ASCC1: variants seen among roughly 807,000 people sequenced by gnomAD.
ASCC1 encodes the protein ASC-1 complex subunit P50.
In ASCC1, 35 loss-of-function variants were observed where a neutral mutation model predicts 46.6. The observed-to-expected ratio is 0.75, with a 90% CI of 0.57 to 0.99. The LOEUF (loss-of-function observed/expected upper bound fraction) is 0.99. Ranked by LOEUF, ASCC1 falls within the 50% of genes least tolerant of loss-of-function variation. ASCC1 has a pLI of 0.00. For missense variants in ASCC1, 376 were observed against 428.7 expected (o/e 0.88, Z 1.09); for synonymous variants, 143 against 146.6 (o/e 0.98, Z 0.18).
Position 72,133,078 on chromosome 10 carries a change from G to A in ASCC1, c.850C>T (p.Leu284=). 1 of 1,614,136 alleles carries A rather than the reference G, an allele frequency of 6.2e-7. No homozygotes were observed. Among genetic ancestry groups the A allele is most frequent in the Non-Finnish European group, 8.5e-7 (1 of 1,179,992 alleles). ...VKLHATVMNT[L]FRKDPNAEGR... is the part of the protein sequence containing the mutation. ...TTACCATTGGGGTCTTTCCTGAATAGTGTATTCATAACTGTAGCATGCAGT... is the reference window on the plus strand; with the variant it reads ...TTACCATTGGGGTCTTTCCTGAATAATGTATTCATAACTGTAGCATGCAGT... The change falls in exon 8 of 10, where the codon CTA becomes TTA. Residue 284 remains leucine, a synonymous_variant. Coordinates refer to ENST00000672957, the MANE Select transcript of ASCC1 (RefSeq NM_001198800.3).
chr10:72,103,095 T>C, intron 9 of ASCC1: 1 of 339,256 alleles, frequency 2.9e-6, no homozygotes, highest in South Asian at 2.2e-5. Flanking sequence ...AATTATCTTA[T>C]TGCGTCCTCA....
chr10:72,197,467 CAAAAAAA>C (rs59460393), intron 4 of ASCC1, among the ~76,000 whole-genome samples: 3 of 51,364 alleles, frequency 5.8e-5, no homozygotes, highest in African/African-American at 2.4e-4. Context: ...GACTCTATCT[CAAAAAAA>C]AAAAAAAAAA....
At chr10:72,204,319 C>T (rs571851613) in intron 3 of ASCC1, 11 of 1,346,336 alleles carry the variant, frequency 8.2e-6, no homozygotes, top group South Asian at 2.7e-5. Flanking sequence ...ATGGCAACAG[C>T]GAGCTACAGC....
At chr10:72,156,141 T>C (rs1355184566) in intron 6 of ASCC1, among the ~76,000 whole-genome samples, 1 of 152,212 alleles carries the variant, frequency 6.6e-6, no homozygotes, top group Non-Finnish European at 1.5e-5. Context: ...GCCATCCCCT[T>C]GGTGATAAAT....
intron 5 of ASCC1, among the ~76,000 whole-genome samples, chr10:72,182,907 C>T (rs1003789573): frequency 2.7e-5 from 4 of 150,782 alleles, no homozygotes; most frequent in African/African-American, 7.4e-5. Context: ...ATATAAAGGA[C>T]AGTATCAGAT....
chr10:72,216,667 G>T (rs139058556), upstream of ASCC1, among the ~76,000 whole-genome samples: 2 of 152,154 alleles, frequency 1.3e-5, no homozygotes, highest in African/African-American at 4.8e-5. Context: ...CTGTTAGAAA[G>T]GAAAGGAATT....
intron 9 of ASCC1, among the ~76,000 whole-genome samples, chr10:72,113,331 A>C (rs998351489): frequency 6.6e-6 from 1 of 152,178 alleles, no homozygotes; most frequent in African/African-American, 2.4e-5. Context: ...TTCCAGTCCC[A>C]CTGCAAAGAG....
rs770470208 is a variant in ASCC1 at position 72,204,511 on chromosome 10, G to T, written c.213-987C>A. The T allele has an allele frequency of 2.6e-6, 4 of 1,532,326 alleles. No individual in the cohort carries two copies. The African/African-American group carries it at 5.5e-5, about 21-fold the overall frequency. 94.9% of individuals were successfully genotyped at this position (1,532,326 alleles called of 1,614,324 possible). Reference sequence around the variant, plus strand: ...ATGTGTTCAAGTGAATGAGACTACCGAATCCCAAGAGAGAAGTTTCAGAGT... The same window carrying T: ...ATGTGTTCAAGTGAATGAGACTACCTAATCCCAAGAGAGAAGTTTCAGAGT... On this transcript the variant is annotated intron_variant, in intron 3 of 9. Transcript: ENST00000672957.
intron 3 of ASCC1, 145 bp downstream of exon 3, chr10:72,210,587 G>A: frequency 1.4e-6 from 1 of 702,816 alleles, no homozygotes; most frequent in East Asian, 2.7e-5. Flanking sequence ...TCTGTAATCA[G>A]TCCTTTGACA....
intron 7 of ASCC1, among the ~76,000 whole-genome samples, chr10:72,141,075 AG>A (rs1846926217): frequency 6.7e-6 from 1 of 150,262 alleles, no homozygotes; most frequent in Non-Finnish European, 1.5e-5. Flanking sequence ...ATAGATAGAT[AG>A]ATAGATAGAT....
At chr10:72,097,868 G>T (rs765079039) in intron 9 of ASCC1, among the ~76,000 whole-genome samples, 1 of 152,178 alleles carries the variant, frequency 6.6e-6, no homozygotes, top group African/African-American at 2.4e-5. Flanking sequence ...GGTTAAATTT[G>T]ACGTAACATA....
intron 7 of ASCC1, chr10:72,133,470 G>C (rs1052891427): frequency 4.9e-6 from 2 of 412,162 alleles, no homozygotes; most frequent in East Asian, 1.1e-4. Context: ...AGGAGGTTTA[G>C]ACATAGTCTG....
chr10:72,109,111 T>C (rs1430058503), intron 9 of ASCC1, among the ~76,000 whole-genome samples: 3 of 152,118 alleles, frequency 2.0e-5, no homozygotes, highest in Non-Finnish European at 4.4e-5. Flanking sequence ...TAGTAGCTAA[T>C]AATAGCCAAT....
In ASCC1 at chr10:72,110,315, C is replaced by T. The variant is rs185393619; in HGVS notation, c.958-12865G>A. ...AGAAATGAATCCTTAGAGGGGAGTA[C>T]ACAGGGGACAGCAACAGGGACATTT... On this transcript the variant is annotated intron_variant, in intron 9 of 9. Coordinates refer to ENST00000672957, the MANE Select transcript of ASCC1 (RefSeq NM_001198800.3). 5.4e-3 allele frequency among the ~76,000 whole-genome samples: 815 copies of T among 152,280 alleles called. 2 individuals are homozygous for T. Among genetic ancestry groups the T allele is most frequent in the Middle Eastern group, 0.01 (3 of 294 alleles).
chr10:72,103,130 T>G lies in ASCC1; in HGVS notation c.958-5680A>C, dbSNP rs921507738. Among the ~76,000 whole-genome samples the G allele has an allele frequency of 7.3e-5, 11 of 150,658 alleles. 1 individual carries two copies. The highest frequency in any genetic ancestry group is 2.5e-4 in the African/African-American group (10 of 40,770). On this transcript the variant is annotated intron_variant, in intron 9 of 9. Coordinates refer to ENST00000672957, the MANE Select transcript of ASCC1 (RefSeq NM_001198800.3). ...ACAACCCCACGAAATAGATACTATG[T>G]TTTTTTTTCCTTTTTTTTTTGAGAC... is the stretch of plus-strand genomic sequence containing the variant.
chr10:72,152,350 T>C (rs1383683051), intron 7 of ASCC1, among the ~76,000 whole-genome samples: 1 of 152,048 alleles, frequency 6.6e-6, no homozygotes, highest in East Asian at 1.9e-4. Context: ...TTAATAACCC[T>C]ATGAAGTTGG....
intron 7 of ASCC1, among the ~76,000 whole-genome samples, chr10:72,150,657 T>A (rs895960190): frequency 7.9e-5 from 12 of 152,076 alleles, no homozygotes; most frequent in African/African-American, 2.7e-4. Flanking sequence ...AGAGTAAACA[T>A]CTGCAACCTA....
At chr10:72,111,088 C>T (rs1317561021) in intron 9 of ASCC1, among the ~76,000 whole-genome samples, 3 of 152,192 alleles carry the variant, frequency 2.0e-5, no homozygotes, top group Non-Finnish European at 4.4e-5. Context: ...CCTCCTTCCC[C>T]TCTGCAAAGG....
chr10:72,213,441 C>A (rs1858478100), intron 1 of ASCC1, 110 bp from the exon 2 acceptor site: 6 of 677,784 alleles, frequency 8.9e-6, no homozygotes, highest in Admixed American at 2.1e-5. Context: ...ACAGTATCTC[C>A]CACACAAAAG....
Sources: allele counts gnomAD v4.1 joint callset (sites outside exome capture counted in the v4.1 genomes callset), GRCh38; gene constraint gnomAD v4.1.1; transcripts MANE v1.5; gene names NCBI Gene and HGNC (gene_info 2026-07-23, HGNC 2026-07-21).